PRDM9: variants seen among roughly 807,000 people sequenced by gnomAD.
The protein encoded by PRDM9 is histone-lysine N-methyltransferase PRDM9.
A neutral mutation model predicts 55.6 loss-of-function variants in PRDM9; 47 were observed. That is an observed-to-expected ratio of 0.85 (90% confidence interval 0.67 to 1.08). The LOEUF is 1.08. Among genes scored for constraint, PRDM9 ranks in the 50% least tolerant of loss-of-function variants. The pLI, the probability that PRDM9 is intolerant of heterozygous loss-of-function variation, is 0.00. For synonymous variants in PRDM9, 312 were observed against 375.7 expected (o/e 0.83, Z 1.96); for missense variants, 867 against 1,040.3 (o/e 0.83, Z 2.29).
Position 23,527,618 on chromosome 5 carries a change from A to AAGTC in PRDM9, c.2532_2535dup (p.His846ValfsTer26). ...GGAGTGTGGGCGGGGCTTTCGCAATAAGTCACACCTCCTCAGACACCAGAG... is the reference window on the plus strand; with the variant it reads ...GGAGTGTGGGCGGGGCTTTCGCAATAAGTCAGTCACACCTCCTCAGACACCAGAG... On this transcript the variant is annotated frameshift_variant, in exon 11 of 11. Coordinates refer to ENST00000296682, the MANE Select transcript of PRDM9 (RefSeq NM_020227.4). LOFTEE classifies it low-confidence loss of function (END_TRUNC). 1 of 1,513,284 alleles carries AAGTC rather than the reference A, an allele frequency of 6.6e-7. No individual in the cohort carries two copies. Among genetic ancestry groups the AAGTC allele is most frequent in the South Asian group, 1.2e-5 (1 of 83,868 alleles). 93.7% of individuals were successfully genotyped at this position (1,513,284 alleles called of 1,614,324 possible). A position where few individuals can be genotyped will look rare whatever the true frequency, so the allele number is the denominator to read the frequency against.
chr5:23,521,125 G>C lies in PRDM9; in HGVS notation c.454G>C (p.Val152Leu). 1 of 1,614,030 alleles carries C rather than the reference G, an allele frequency of 6.2e-7. No individual in the cohort carries two copies. The highest frequency in any genetic ancestry group is 8.5e-7 in the Non-Finnish European group (1 of 1,180,028). ...TGGCTCAGAGCAGGCTCAGAAACCA[G>C]TGTCCCCTTCTGGAGAAGCAAGTAC... ...ASGSEQAQKPVSPSGEASTSG... is the reference protein window; with the variant it reads ...ASGSEQAQKPLSPSGEASTSG... Residue 152 changes from valine (V) to leucine (L), a missense_variant, in exon 6 of 11, where the codon GTG (valine) becomes CTG (leucine). Around this residue, in one of 5 missense-constraint regions of PRDM9, gnomAD observed 662 missense variants for 711.9 expected, o/e 0.93. Coordinates refer to ENST00000296682, the MANE Select transcript of PRDM9 (RefSeq NM_020227.4).
intron 4 of PRDM9, among the ~76,000 whole-genome samples, chr5:23,511,433 C>T (rs1307169287): frequency 1.3e-5 from 2 of 152,108 alleles, no homozygotes; most frequent in Non-Finnish European, 2.9e-5. Context: ...GCAACCTCCA[C>T]CTCCCAAGTT....
chr5:23,513,621 C>A (rs991435560), intron 4 of PRDM9, among the ~76,000 whole-genome samples: 65 of 152,186 alleles, frequency 4.3e-4, no homozygotes, highest in African/African-American at 1.5e-3. Flanking sequence ...GTGGCTCATG[C>A]CTGTAATCCT....
At chr5:23,507,877 AGACT>A (rs752068297) in intron 1 of PRDM9, among the ~76,000 whole-genome samples, 165 bp downstream of exon 1, 5 of 151,970 alleles carry the variant, frequency 3.3e-5, no homozygotes, top group African/African-American at 4.8e-5. Flanking sequence ...TCAGCTTCAG[AGACT>A]CCAAATCCCT....
chr5:23,515,861 T>C (rs947525028), intron 4 of PRDM9, among the ~76,000 whole-genome samples: 16 of 152,242 alleles, frequency 1.1e-4, no homozygotes, highest in Admixed American at 2.0e-4. Flanking sequence ...TTCTGTTCCA[T>C]TGGTCTATAT....
At chr5:23,523,453 C>A in intron 9 of PRDM9, 95 bp downstream of exon 9, 2 of 1,311,080 alleles carry the variant, frequency 1.5e-6, no homozygotes, top group Non-Finnish European at 2.2e-6. Context: ...CAATGATTTT[C>A]ACATTCCCTA....
chr5:23,524,561 G>C, intron 10 of PRDM9, 34 bp downstream of exon 10: 1 of 1,611,988 alleles, frequency 6.2e-7, no homozygotes, highest in Middle Eastern at 1.7e-4. Flanking sequence ...AAAAGGACAG[G>C]AAAGAAAGAA....
At chr5:23,511,695 A>T (rs1739103017) in intron 4 of PRDM9, among the ~76,000 whole-genome samples, 3 of 152,230 alleles carry the variant, frequency 2.0e-5, no homozygotes, top group South Asian at 4.1e-4. Flanking sequence ...TTATAGATAC[A>T]ATAATAAGTG....
upstream of PRDM9, chr5:23,507,372 C>G (rs1023990991): frequency 6.6e-6 from 1 of 152,316 alleles, no homozygotes; most frequent in Non-Finnish European, 1.5e-5. Context: ...GAGGGTTACA[C>G]GCAATCCCCT....
In PRDM9 at chr5:23,524,492, G is replaced by A. The variant is rs1291172832; in HGVS notation, c.1109G>A (p.Gly370Asp). 11 of 1,613,904 alleles carry A rather than the reference G, an allele frequency of 6.8e-6. No homozygotes were observed. The highest frequency in any genetic ancestry group is 9.3e-6 in the Non-Finnish European group (11 of 1,179,860). Reference protein sequence around the residue: ...EYGQELGIKWGSKWKKELMAG... With the variant: ...EYGQELGIKWDSKWKKELMAG... ...GGCCAGGAACTGGGCATCAAGTGGG[G>A]CAGCAAGTGGAAGAAAGAGCTCATG... The change falls in exon 10 of 11, where the codon GGC becomes GAC. Residue 370 changes from glycine to aspartate, a missense_variant. Transcript: ENST00000296682.
intron 4 of PRDM9, among the ~76,000 whole-genome samples, chr5:23,516,223 C>T (rs1739206079): frequency 6.6e-6 from 1 of 152,064 alleles, no homozygotes; most frequent in African/African-American, 2.4e-5. Flanking sequence ...AAGTTTTTTG[C>T]CTCCTTGGTT....
intron 4 of PRDM9, among the ~76,000 whole-genome samples, chr5:23,517,071 T>A (rs1739226373): frequency 6.7e-6 from 1 of 148,184 alleles, no homozygotes; most frequent in South Asian, 2.1e-4. Context: ...GAGAATGGCA[T>A]GAACCCACGA....
chr5:23,509,899 A>T, intron 3 of PRDM9, 21 bp from the exon 4 acceptor site: 1 of 1,613,932 alleles, frequency 6.2e-7, no homozygotes. Flanking sequence ...ATTTTAGAAC[A>T]AAATTTTTGC....
At position 23,509,437 on chromosome 5, in the gene PRDM9, T is replaced by C. The variant is rs113446735; in HGVS notation, c.70-33T>C. 811 of 1,614,066 alleles carry C rather than the reference T, an allele frequency of 5.0e-4. 3 individuals are homozygous for C. The African/African-American group carries it at 5.2e-3, about 10-fold the overall frequency. ...AAAGGACCAGCTTGATGTGTACTAGTAAATCACTGATGGAATCTGTTACTT... is the reference window on the plus strand; with the variant it reads ...AAAGGACCAGCTTGATGTGTACTAGCAAATCACTGATGGAATCTGTTACTT... On this transcript the variant is annotated intron_variant, in intron 2 of 10. Coordinates refer to ENST00000296682, the MANE Select transcript of PRDM9 (RefSeq NM_020227.4).
chr5:23,523,592 A>G lies in PRDM9; in HGVS notation c.950+234A>G, dbSNP rs148101183. On this transcript the variant is annotated intron_variant, in intron 9 of 10. Coordinates refer to ENST00000296682, the MANE Select transcript of PRDM9 (RefSeq NM_020227.4). ...TATGCTAGACAAAATTGAGGCACCA[A>G]GATAAACCTTGAGAAGCCTAGATTC... Among the ~76,000 whole-genome samples the G allele has an allele frequency of 6.0e-4, 92 of 152,334 alleles. 1 individual carries two copies. The highest frequency in any genetic ancestry group is 3.4e-3 in the Middle Eastern group (1 of 294).
chr5:23,511,010 G>C (rs904848880), intron 4 of PRDM9, among the ~76,000 whole-genome samples: 1 of 151,096 alleles, frequency 6.6e-6, no homozygotes, highest in Non-Finnish European at 1.5e-5. Flanking sequence ...AAAAAAATTA[G>C]CCGGGTGTGG....
chr5:23,510,875 G>T (rs192656705), intron 4 of PRDM9, among the ~76,000 whole-genome samples: 403 of 151,926 alleles, frequency 2.7e-3, no homozygotes, highest in African/African-American at 7.7e-3. Context: ...GCCAGGCACA[G>T]TGGCTCACAC....
At chr5:23,521,432 G>T (rs1169327874) in intron 6 of PRDM9, among the ~76,000 whole-genome samples, 1 of 152,222 alleles carries the variant, frequency 6.6e-6, no homozygotes, top group Non-Finnish European at 1.5e-5. Flanking sequence ...CTGCCTCCAT[G>T]AAAATAGATG....
At chr5:23,510,659 A>ATGG (rs1739077418) in intron 4 of PRDM9, among the ~76,000 whole-genome samples, 1 of 149,806 alleles carries the variant, frequency 6.7e-6, no homozygotes, top group Non-Finnish European at 1.5e-5. Context: ...GATGATGATG[A>ATGG]TGATGATGAT....
Sources: gnomAD v4.1 joint callset for allele counts (sites outside exome capture counted in the v4.1 genomes callset) on GRCh38, gnomAD v4.1.1 for gene constraint, gnomAD v4.1.1 regional missense constraint, MANE v1.5 for transcripts, NCBI Gene and HGNC (gene_info 2026-07-23, HGNC 2026-07-21) for gene names.